MZT2A: variants seen among roughly 807,000 people sequenced by gnomAD.
MZT2A encodes the protein mitotic spindle organizing protein 2A.
Under a neutral mutation model 12.4 loss-of-function variants are expected in MZT2A, and 8 were observed. The ratio of observed to expected loss-of-function variants is 0.64; its 90% CI spans 0.38 to 1.16. The LOEUF (loss-of-function observed/expected upper bound fraction) is 1.16, where lower values mean the gene tolerates loss of function less well. MZT2A is among the 50% of genes most tolerant of loss of function. The probability of loss-of-function intolerance (pLI) is 0.01; values close to 1 mark genes in which losing one functional copy is unlikely to be tolerated. For missense variants in MZT2A, 181 were observed against 223.6 expected (o/e 0.81, Z 1.22); for synonymous variants, 88 against 107.5 (o/e 0.82, Z 1.12).
At chr2:131,480,637 G>A (rs1179396402), downstream of MZT2A, 8 of 1,613,656 alleles carry the variant, frequency 5.0e-6, no homozygotes, top group Admixed American at 1.7e-5. Flanking sequence ...TACATGGCCT[G>A]CTGCATGTTG....
intron 2 of MZT2A, chr2:131,491,329 C>G: frequency 3.5e-6 from 1 of 284,664 alleles, no homozygotes. Context: ...TCATCAGAGG[C>G]AGGAACTGGG....
chr2:131,488,109 C>A lies in MZT2A; in HGVS notation c.319+3767G>T, dbSNP rs980339227. Among the ~76,000 whole-genome samples, 14 of 152,292 alleles carry A rather than the reference C, an allele frequency of 9.2e-5. 2 individuals carry two copies. Among genetic ancestry groups the A allele is most frequent in the Admixed American group, 6.5e-5 (1 of 15,294 alleles). On this transcript the variant is annotated intron_variant, in intron 2 of 2. Coordinates refer to ENST00000309451, the MANE Select transcript of MZT2A (RefSeq NM_001085365.2). ...CATACCACACGCAGTGCAATGACCA[C>A]GCCAGCCATGTGTGGCTCGAAGTTC...
downstream of MZT2A, among the ~76,000 whole-genome samples, chr2:131,481,439 T>TTTA (rs1485057412): frequency 1.3e-3 from 186 of 146,922 alleles, 2 homozygotes; most frequent in African/African-American, 4.2e-3. Flanking sequence ...CGGGTAATTT[T>TTTA]TTTTTTTTTT....
intron 2 of MZT2A, chr2:131,490,962 G>A: frequency 6.5e-7 from 1 of 1,549,006 alleles, no homozygotes; most frequent in South Asian, 1.2e-5. Context: ...GCACGCAGGT[G>A]CCCGGGCCCT....
downstream of MZT2A, chr2:131,482,724 G>C: frequency 1.2e-6 from 2 of 1,614,196 alleles, no homozygotes. Context: ...TGGTACGTGG[G>C]CGAAGGCATG....
downstream of MZT2A, chr2:131,480,067 A>G (rs1678802050): frequency 6.3e-7 from 1 of 1,576,814 alleles, no homozygotes; most frequent in African/African-American, 1.4e-5. Flanking sequence ...GGTTTCTCTC[A>G]GGCGGATCTG....
At chr2:131,489,742 A>G (rs1679212910) in intron 2 of MZT2A, 1 of 442,948 alleles carries the variant, frequency 2.3e-6, no homozygotes, top group Non-Finnish European at 3.0e-6. Flanking sequence ...TGAACTCCTG[A>G]GCTCAAGGAA....
chr2:131,479,963 G>C (rs1301937735), downstream of MZT2A: 24 of 1,401,220 alleles, frequency 1.7e-5, no homozygotes, highest in Non-Finnish European at 2.3e-5. Flanking sequence ...TGGATGATTT[G>C]AATCCATATC....
upstream of MZT2A, among the ~76,000 whole-genome samples, chr2:131,493,727 G>C (rs1679447731): frequency 6.6e-6 from 1 of 152,192 alleles, no homozygotes; most frequent in African/African-American, 2.4e-5. Flanking sequence ...GGAGAAAATA[G>C]GTGTTGGAGA....
chr2:131,484,058 A>G lies in MZT2A; in HGVS notation c.*3T>C. ...CAAAGATGTGACAAGTCTCTGCCCC[A>G]TCCTAGGTGCTGCCCTGCGTAGGGC... On this transcript the variant is annotated 3_prime_UTR_variant, in exon 3 of 3. Coordinates refer to ENST00000309451, the MANE Select transcript of MZT2A (RefSeq NM_001085365.2). The G allele has an allele frequency of 6.2e-7, 1 of 1,603,718 alleles. No individual in the cohort carries two copies. Among genetic ancestry groups the G allele is most frequent in the Admixed American group, 1.7e-5 (1 of 59,478 alleles).
At chr2:131,482,926 T>A (rs1678911960), downstream of MZT2A, 15 of 1,557,862 alleles carry the variant, frequency 9.6e-6, no homozygotes, top group Non-Finnish European at 1.3e-5. Flanking sequence ...AGGTTCTGTA[T>A]AAAACCAAGC....
chr2:131,485,376 G>C (rs1191857614), intron 2 of MZT2A, among the ~76,000 whole-genome samples: 2 of 152,276 alleles, frequency 1.3e-5, no homozygotes, highest in East Asian at 3.9e-4. Flanking sequence ...TGAAAGATCT[G>C]ACGTGTTGCT....
chr2:131,475,972 A>G, intron 2 of MZT2A: 6 of 779,646 alleles, frequency 7.7e-6, no homozygotes, highest in South Asian at 1.9e-5. Flanking sequence ...CGCCAATCCT[A>G]CATCCAATCA....
intron 2 of MZT2A, 90 bp from the exon 3 acceptor site, chr2:131,484,308 G>A (rs1230900820): frequency 5.8e-6 from 9 of 1,552,008 alleles, no homozygotes; most frequent in Non-Finnish European, 7.9e-6. Flanking sequence ...CAACATTTGT[G>A]TCTACACATT....
chr2:131,482,947 T>C, downstream of MZT2A: 1 of 1,533,064 alleles, frequency 6.5e-7, no homozygotes, highest in Non-Finnish European at 8.8e-7. Context: ...CCTCTGTGTG[T>C]CGTGCAGCTT....
downstream of MZT2A, among the ~76,000 whole-genome samples, chr2:131,483,347 G>A (rs927106694): frequency 1.1e-4 from 16 of 151,698 alleles, no homozygotes; most frequent in Admixed American, 3.9e-4. Flanking sequence ...ACCGAGTTCT[G>A]CACAGCATTC....
intron 2 of MZT2A, among the ~76,000 whole-genome samples, chr2:131,484,448 A>G (rs1399365612): frequency 1.3e-5 from 2 of 152,202 alleles, no homozygotes; most frequent in Non-Finnish European, 2.9e-5. Context: ...GTGTCCTAGG[A>G]GCGAAGCCAC....
intron 4 of MZT2A, chr2:131,470,055 C>T (rs1212992202): frequency 8.6e-6 from 3 of 350,606 alleles, no homozygotes; most frequent in Non-Finnish European, 1.7e-5. Flanking sequence ...CCACCCGCCT[C>T]GACCTCCCAA....
chr2:131,481,649 G>T (rs1559351287), downstream of MZT2A, among the ~76,000 whole-genome samples: 1 of 151,998 alleles, frequency 6.6e-6, no homozygotes, highest in Non-Finnish European at 1.5e-5. Flanking sequence ...TGGCCAGGCT[G>T]GTCTCGAACT....
Sources: gnomAD v4.1 joint callset for allele counts (sites outside exome capture counted in the v4.1 genomes callset) on GRCh38, gnomAD v4.1.1 for gene constraint, MANE v1.5 for transcripts, NCBI Gene and HGNC (gene_info 2026-07-23, HGNC 2026-07-21) for gene names.